CSNK1G1: variants seen among roughly 807,000 people sequenced by gnomAD.
CSNK1G1 encodes the protein casein kinase I isoform gamma-1.
A neutral mutation model predicts 59.6 loss-of-function variants in CSNK1G1; 22 were observed. That is an observed-to-expected ratio of 0.37 (90% CI 0.26 to 0.53). CSNK1G1 has a LOEUF of 0.53. CSNK1G1 is among the 20% of genes least tolerant of loss of function. The probability of loss-of-function intolerance (pLI) is 0.89; values close to 1 mark genes in which losing one functional copy is unlikely to be tolerated. For missense variants in CSNK1G1, 384 were observed against 519.5 expected (o/e 0.74, Z 2.54); for synonymous variants, 179 against 177.1 (o/e 1.01, Z -0.08).
At chr15:64,268,005 G>A (rs1223313156) in intron 2 of CSNK1G1, among the ~76,000 whole-genome samples, 1 of 151,898 alleles carries the variant, frequency 6.6e-6, no homozygotes, top group East Asian at 1.9e-4. Flanking sequence ...GGAGGGGAGG[G>A]GAGGAAACCA....
At chr15:64,320,561 C>A (rs1281124923) in intron 1 of CSNK1G1, among the ~76,000 whole-genome samples, 1 of 151,758 alleles carries the variant, frequency 6.6e-6, no homozygotes, top group Non-Finnish European at 1.5e-5. Context: ...TGCCTGTAAT[C>A]CCAGCTACTT....
chr15:64,226,172 G>C (rs988212613), intron 4 of CSNK1G1, among the ~76,000 whole-genome samples: 4 of 152,234 alleles, frequency 2.6e-5, no homozygotes, highest in African/African-American at 9.6e-5. Context: ...GGGCACGTAA[G>C]CCACTGTGCC....
intron 1 of CSNK1G1, among the ~76,000 whole-genome samples, chr15:64,354,378 C>T (rs988963253): frequency 3.3e-5 from 5 of 152,178 alleles, no homozygotes; most frequent in Non-Finnish European, 7.3e-5. Context: ...TTTAAAGAGA[C>T]ATGTGATGTT....
intron 1 of CSNK1G1, among the ~76,000 whole-genome samples, chr15:64,355,450 G>T (rs1326196254): frequency 6.6e-6 from 1 of 152,190 alleles, no homozygotes; most frequent in African/African-American, 2.4e-5. Context: ...GAAGAAGTGG[G>T]GGAAGCGTAC....
intron 11 of CSNK1G1, among the ~76,000 whole-genome samples, chr15:64,178,277 T>C (rs2081764967): frequency 6.6e-6 from 1 of 152,048 alleles, no homozygotes; most frequent in Non-Finnish European, 1.5e-5. Flanking sequence ...TAGGAGCATG[T>C]TTCCTTATTA....
In CSNK1G1 at chr15:64,203,120, T is replaced by C. The variant is rs750702027; in HGVS notation, c.1069A>G (p.Arg357Gly). 3.1e-6 allele frequency: 5 copies of C among 1,614,062 alleles called. No individual in the cohort carries two copies. The East Asian group carries it at 8.9e-5, about 29-fold the overall frequency. Residue 357 changes from arginine to glycine, a missense_variant, in exon 10 of 12, where the codon AGG becomes GGG. This residue lies in a region of CSNK1G1 where 325 missense variants were observed against 440.9 expected (regional missense o/e 0.74). Transcript: ENST00000303052. The stretch of plus-strand genomic sequence containing the variant: ...GGCTGCTGTTGTGATGGCCGATCCC[T>C]ATGTGTGTGGCTTTCTCGAGTTATT... Reference protein sequence around the residue: ...SAITRESHTHRDRPSQQQPLR... With the variant: ...SAITRESHTHGDRPSQQQPLR...
At chr15:64,350,868 C>T (rs4776447) in intron 1 of CSNK1G1, among the ~76,000 whole-genome samples, 119,994 of 151,898 alleles carry the variant, frequency 0.79, 48,675 homozygotes, top group East Asian at 0.95. Flanking sequence ...AAGTAATCTC[C>T]ACAACTTAAA....
Position 64,305,077 on chromosome 15 carries a change from G to A in CSNK1G1, c.-224-4354C>T, listed in dbSNP as rs192224049. Among the ~76,000 whole-genome samples the A allele has an allele frequency of 2.6e-5, 4 of 152,108 alleles. No homozygotes were observed. In the East Asian group the frequency reaches 7.7e-4, roughly 29 times the overall value. ...TATAAGTCTTTTTTTTTTAAATTATGTTGGTCAACGATAAAAATTCTTCTA... is the reference window on the plus strand; with the variant it reads ...TATAAGTCTTTTTTTTTTAAATTATATTGGTCAACGATAAAAATTCTTCTA... On this transcript the variant is annotated intron_variant, in intron 1 of 11. Transcript: ENST00000303052.
Position 64,171,827 on chromosome 15 carries a change from C to G in CSNK1G1, c.*104G>C. On this transcript the variant is annotated 3_prime_UTR_variant, in exon 12 of 12. Coordinates refer to ENST00000303052, the MANE Select transcript of CSNK1G1 (RefSeq NM_022048.5). This position sits in a 1 kb window ranked among gnomAD's most constrained non-coding sequence, Gnocchi z 4.8. ...GTTTTCTTCTTTTTGGTTTGGATAT[C>G]CACCCTCCCCCAAAGAGGAGTCCCT... 1 of 1,030,610 alleles carries G rather than the reference C, an allele frequency of 9.7e-7. No homozygotes were observed. Among genetic ancestry groups the G allele is most frequent in the South Asian group, 1.3e-5 (1 of 78,150 alleles). 63.8% of individuals were successfully genotyped at this position (1,030,610 alleles called of 1,614,324 possible).
chr15:64,249,115 C>T (rs1891932472), intron 4 of CSNK1G1, among the ~76,000 whole-genome samples: 1 of 151,998 alleles, frequency 6.6e-6, no homozygotes, highest in Non-Finnish European at 1.5e-5. Flanking sequence ...AGCAAGACTC[C>T]ATCTAAATTT....
At chr15:64,201,706 A>ATGTGTGTGTGTGTGTATGTG (rs1491143374) in intron 10 of CSNK1G1, among the ~76,000 whole-genome samples, 1 of 126,474 alleles carries the variant, frequency 7.9e-6, no homozygotes, top group Non-Finnish European at 1.6e-5. Flanking sequence ...TCCATTGGAC[A>ATGTGTGTGTGTGTGTATGTG]TGTGTGTGTG....
intron 4 of CSNK1G1, among the ~76,000 whole-genome samples, chr15:64,219,948 A>T (rs1854551045): frequency 6.6e-6 from 1 of 151,496 alleles, no homozygotes; most frequent in South Asian, 2.1e-4. Flanking sequence ...TAATTTTTAA[A>T]TTTTTAGTAG....
intron 4 of CSNK1G1, among the ~76,000 whole-genome samples, chr15:64,243,061 C>T (rs1039552341): frequency 2.0e-5 from 3 of 151,966 alleles, no homozygotes; most frequent in South Asian, 2.1e-4. Flanking sequence ...CTCGGCTGGG[C>T]GCGGTGGCTC....
chr15:64,187,775 G>A (rs551695607), intron 10 of CSNK1G1, among the ~76,000 whole-genome samples: 1 of 152,280 alleles, frequency 6.6e-6, no homozygotes, highest in African/African-American at 2.4e-5. Context: ...ACATTCACAT[G>A]TAAGACAAGT....
chr15:64,215,669 C>T (rs1206302974), intron 5 of CSNK1G1, among the ~76,000 whole-genome samples: 1 of 152,178 alleles, frequency 6.6e-6, no homozygotes, highest in Non-Finnish European at 1.5e-5. Flanking sequence ...CATCCTTCCC[C>T]AAAGGGCTTG....
chr15:64,211,039 T>TGC (rs1216797546), intron 6 of CSNK1G1, among the ~76,000 whole-genome samples: 1 of 152,190 alleles, frequency 6.6e-6, no homozygotes, highest in Non-Finnish European at 1.5e-5. Context: ...CAGATGCCAG[T>TGC]GCCATGCTTC....
At chr15:64,287,019 T>C (rs1217732823) in intron 2 of CSNK1G1, among the ~76,000 whole-genome samples, 2 of 152,216 alleles carry the variant, frequency 1.3e-5, no homozygotes, top group African/African-American at 4.8e-5. Flanking sequence ...CATCTTTGTA[T>C]TATAATTAGA....
At chr15:64,179,870 C>G (rs2081788889) in intron 11 of CSNK1G1, among the ~76,000 whole-genome samples, 1 of 152,142 alleles carries the variant, frequency 6.6e-6, no homozygotes, top group African/African-American at 2.4e-5. Flanking sequence ...TAATATTTTT[C>G]TTGCCTGACT....
intron 1 of CSNK1G1, among the ~76,000 whole-genome samples, chr15:64,307,564 C>G (rs981304355): frequency 6.6e-6 from 1 of 152,226 alleles, no homozygotes; most frequent in East Asian, 1.9e-4. Flanking sequence ...GTATACACTA[C>G]TGTATTTCAT....
Sources: gnomAD v4.1 joint callset for allele counts (sites outside exome capture counted in the v4.1 genomes callset) on GRCh38, gnomAD v4.1.1 for gene constraint, gnomAD v4.1.1 regional missense constraint, Gnocchi (gnomAD v3.1) non-coding constraint, MANE v1.5 for transcripts, NCBI Gene and HGNC (gene_info 2026-07-23, HGNC 2026-07-21) for gene names.